ADAMDEC1: variants seen among roughly 807,000 people sequenced by gnomAD.
ADAMDEC1 encodes ADAM DEC1.
In ADAMDEC1, 62 loss-of-function variants were observed where a neutral mutation model predicts 60.4. That is an observed-to-expected ratio of 1.03 (90% confidence interval 0.84 to 1.27). The LOEUF (loss-of-function observed/expected upper bound fraction) is 1.27. Ranked by LOEUF, ADAMDEC1 falls within the 50% of genes most tolerant of loss-of-function variation. The probability of loss-of-function intolerance (pLI) is 0.00; values close to 1 mark genes in which losing one functional copy is unlikely to be tolerated. For missense variants in ADAMDEC1, 595 were observed against 565.0 expected, an observed-to-expected ratio of 1.05 and a Z score of -0.54; for synonymous variants, 210 against 195.1, an observed-to-expected ratio of 1.08 and a Z score of -0.64.
At chr8:24,390,199 T>A (rs1205492813) in intron 1 of ADAMDEC1, 6 of 1,139,596 alleles carry the variant, frequency 5.3e-6, no homozygotes, top group Non-Finnish European at 7.0e-6. Flanking sequence ...AGTTTTCACA[T>A]AAAAGAAATA....
At position 24,384,543 on chromosome 8, in the gene ADAMDEC1, C is replaced by T; in HGVS notation, c.39C>T (p.Thr13=). The change falls in exon 1 of 14, where the codon ACC becomes ACT. Residue 13 remains threonine, a synonymous_variant. Coordinates refer to ENST00000256412, the MANE Select transcript of ADAMDEC1 (RefSeq NM_014479.3). ...TCTCCCAGCTACCTGCAGTGGCCAC[C>T]ATGTCTTGGGTCCTGCTGCCTGTAC... is the stretch of plus-strand genomic sequence containing the variant. ...RGISQLPAVA[T]MSWVLLPVLW... 6.2e-7 allele frequency: 1 copy of T among 1,610,774 alleles called. No individual in the cohort carries two copies. The highest frequency in any genetic ancestry group is 8.5e-7 in the Non-Finnish European group (1 of 1,178,468).
Position 24,402,094 on chromosome 8 carries a change from T to C in ADAMDEC1, c.1320+2T>C. 2 of 1,588,044 alleles carry C rather than the reference T, an allele frequency of 1.3e-6. No homozygotes were observed. Among genetic ancestry groups the C allele is most frequent in the South Asian group, 2.3e-5 (2 of 87,018 alleles). ...GACTGTGATTGTGGCTCTCCTAAGGTATTATTTATTAGAATTATTGGGGCA... is the reference window on the plus strand; with the variant it reads ...GACTGTGATTGTGGCTCTCCTAAGGCATTATTTATTAGAATTATTGGGGCA... On this transcript the variant is annotated splice_donor_variant, in intron 12 of 13. Transcript: ENST00000256412. LOFTEE classifies it high-confidence loss of function.
chr8:24,393,980 G>C, intron 3 of ADAMDEC1, 89 bp from the exon 4 acceptor site: 1 of 803,300 alleles, frequency 1.2e-6, no homozygotes, highest in Admixed American at 2.1e-5. Flanking sequence ...TATCATTGTA[G>C]ACACTATCAC....
intron 13 of ADAMDEC1, 148 bp from the exon 14 acceptor site, chr8:24,405,144 T>A (rs571340732): frequency 3.5e-5 from 28 of 795,234 alleles, no homozygotes; most frequent in Non-Finnish European, 5.0e-5. Context: ...TTTTCACTCA[T>A]GAAATACAGC....
chr8:24,402,354 AC>A (rs1817787220), intron 12 of ADAMDEC1, among the ~76,000 whole-genome samples: 1 of 152,082 alleles, frequency 6.6e-6, no homozygotes. Flanking sequence ...TCTTTCCAAA[AC>A]GTGTATTAGT....
intron 13 of ADAMDEC1, among the ~76,000 whole-genome samples, chr8:24,404,359 C>T (rs1374379031): frequency 1.3e-5 from 2 of 152,168 alleles, no homozygotes; most frequent in South Asian, 2.1e-4. Context: ...CGTTAGAGAA[C>T]GATGAGTTTA....
chr8:24,399,860 A>G (rs1817716359), intron 10 of ADAMDEC1, among the ~76,000 whole-genome samples: 1 of 152,200 alleles, frequency 6.6e-6, no homozygotes, highest in Admixed American at 6.5e-5. Context: ...TGTCATAGGT[A>G]TCATAGCAAT....
rs1460043112 is a variant in ADAMDEC1, at chr8:24,405,890, CCTT to C, written c.*594_*596del. On this transcript the variant is annotated 3_prime_UTR_variant, in exon 14 of 14. Transcript: ENST00000256412. Reference sequence around the variant, plus strand: ...TCATGTATATCCTATACACACATCTCCTTCATCATCATATATGAAGTTTATTTT... The same window carrying C: ...TCATGTATATCCTATACACACATCTCCATCATCATATATGAAGTTTATTTT... 6.6e-6 allele frequency: 1 copy of C among 152,138 alleles called. No individual in the cohort carries two copies. Among genetic ancestry groups the C allele is most frequent in the South Asian group, 2.1e-4 (1 of 4,822 alleles). 9.4% of individuals were successfully genotyped at this position (152,138 alleles called of 1,614,324 possible).
rs771273667 is a variant in ADAMDEC1 at position 24,384,512 on chromosome 8, G to A, written c.8G>A (p.Arg3His). ML[R>H]GISQLPAVAT... ...TGGGGAGACCACAACTTCATGCTGC[G>A]TGGGATCTCCCAGCTACCTGCAGTG... The change falls in exon 1 of 14, where the codon CGT becomes CAT. Residue 3 changes from arginine (R) to histidine (H), a missense_variant. Transcript: ENST00000256412. The A allele has an allele frequency of 2.6e-5, 41 of 1,607,202 alleles. No individual in the cohort carries two copies. The highest frequency in any genetic ancestry group is 2.0e-4 in the South Asian group (18 of 89,992).
At chr8:24,389,649 TC>T (rs911940314) in intron 1 of ADAMDEC1, among the ~76,000 whole-genome samples, 2 of 152,164 alleles carry the variant, frequency 1.3e-5, no homozygotes, top group African/African-American at 4.8e-5. Flanking sequence ...TTCTATCAGG[TC>T]TTGCACAATC....
intron 10 of ADAMDEC1, among the ~76,000 whole-genome samples, chr8:24,399,711 A>C (rs889522627): frequency 2.6e-5 from 4 of 152,040 alleles, no homozygotes; most frequent in African/African-American, 9.7e-5. Context: ...AGAAAATCAG[A>C]GTAGGAATAT....
intron 1 of ADAMDEC1, among the ~76,000 whole-genome samples, chr8:24,388,757 AT>A (rs1250320385): frequency 6.6e-6 from 1 of 152,202 alleles, no homozygotes; most frequent in African/African-American, 2.4e-5. Context: ...TTTCCAACAA[AT>A]CCACTTAGAT....
In ADAMDEC1 at chr8:24,395,711, C is replaced by A. The variant is rs1817589887; in HGVS notation, c.364-9C>A. ...ATTTCTGAAGCATAATTTCTTTTTT[C>A]CACTCCAGGAACACTGTTACTATAA... On this transcript the variant is annotated splice_polypyrimidine_tract_variant and intron_variant, in intron 4 of 13. Transcript: ENST00000256412. 1.9e-6 allele frequency: 3 copies of A among 1,602,642 alleles called. No homozygotes were observed. In the East Asian group the frequency reaches 6.7e-5, roughly 36 times the overall value.
chr8:24,392,072 CA>C (rs565967905), intron 1 of ADAMDEC1, among the ~76,000 whole-genome samples, 189 bp from the exon 2 acceptor site: 1,839 of 137,198 alleles, frequency 0.013, 47 homozygotes, highest in Admixed American at 0.057. Flanking sequence ...GGAGGGAGAG[CA>C]AAAAAAAAAA....
intron 1 of ADAMDEC1, among the ~76,000 whole-genome samples, chr8:24,390,998 C>T (rs931656366): frequency 1.3e-5 from 2 of 152,076 alleles, no homozygotes. Context: ...ATTCTCATTC[C>T]AAGCGCATGG....
At chr8:24,397,028 T>G (rs891521279) in intron 5 of ADAMDEC1, among the ~76,000 whole-genome samples, 2 of 152,222 alleles carry the variant, frequency 1.3e-5, no homozygotes, top group African/African-American at 2.4e-5. Context: ...AATTCCAAAT[T>G]CTTTGGGGTT....
At chr8:24,397,819 A>G in intron 7 of ADAMDEC1, 74 bp downstream of exon 7, 2 of 1,429,494 alleles carry the variant, frequency 1.4e-6, no homozygotes, top group Middle Eastern at 1.8e-4. Flanking sequence ...AAAAGCAAGC[A>G]ATAAACTATT....
chr8:24,398,979 T>G lies in ADAMDEC1; in HGVS notation c.868T>G (p.Phe290Val). The change falls in exon 9 of 14, where the codon TTC (phenylalanine) becomes GTC (valine). Residue 290 changes from phenylalanine (F) to valine (V), a missense_variant. Phe to Val is a conservative substitution (Grantham distance 50). Transcript: ENST00000256412. ...VPSASTTFDN[F>V]LRWHSSNLGK... ...CAGCGCAAGCACCACGTTTGACAAC[T>G]TCCTGAGATGGCACAGTTCTAACCT... 6.2e-7 allele frequency: 1 copy of G among 1,613,840 alleles called. No homozygotes were observed. Among genetic ancestry groups the G allele is most frequent in the Non-Finnish European group, 8.5e-7 (1 of 1,179,840 alleles).
At chr8:24,396,275 G>C (rs1053107601) in intron 5 of ADAMDEC1, among the ~76,000 whole-genome samples, 4 of 152,096 alleles carry the variant, frequency 2.6e-5, no homozygotes, top group East Asian at 1.9e-4. Flanking sequence ...CTTTGGGAGG[G>C]CGAGGCGGGC....
Sources: gnomAD v4.1 joint callset for allele counts (sites outside exome capture counted in the v4.1 genomes callset) on GRCh38, gnomAD v4.1.1 for gene constraint, MANE v1.5 for transcripts, NCBI Gene and HGNC (gene_info 2026-07-23, HGNC 2026-07-21) for gene names.